The following TG variants were observed in gnomAD, a reference collection of about 807,000 sequenced individuals.
TG encodes thyroid hormones.
Under a neutral mutation model 324.7 loss-of-function variants are expected in TG, and 270 were observed. The observed-to-expected ratio is 0.83, with a 90% CI of 0.75 to 0.92. The LOEUF is 0.92. TG is among the 40% of genes least tolerant of loss of function. TG has a pLI of 0.00. For synonymous variants in TG, 1,401 were observed against 1,327.0 expected (o/e 1.06, Z -1.21); for missense variants, 3,591 against 3,456.4 (o/e 1.04, Z -0.98).
In TG at chr8:132,898,183, G is replaced by A. The variant is rs1289754001; in HGVS notation, c.3154G>A (p.Val1052Ile). 1.9e-6 allele frequency: 3 copies of A among 1,604,076 alleles called. No homozygotes were observed. The highest frequency in any genetic ancestry group is 2.6e-6 in the Non-Finnish European group (3 of 1,175,224). ...CHAGTGHCWC[V>I]DEKGGFIPGS... ...CTCTTTTCCAGGGCACTGCTGGTGT[G>A]TAGATGAGAAAGGAGGGTTCATCCC... Residue 1052 changes from valine (V) to isoleucine (I), a missense_variant, in exon 13 of 48, where the codon GTA becomes ATA. Coordinates refer to ENST00000220616, the MANE Select transcript of TG (RefSeq NM_003235.5).
Position 132,887,192 on chromosome 8 carries a change from C to T in TG, c.1820C>T (p.Thr607Ile), listed in dbSNP as rs536053171. 2 of 1,613,344 alleles carry T rather than the reference C, an allele frequency of 1.2e-6. No individual in the cohort carries two copies. Among genetic ancestry groups the T allele is most frequent in the South Asian group, 2.2e-5 (2 of 91,052 alleles). The change falls in exon 9 of 48, where the codon ACC (threonine) becomes ATC (isoleucine). Residue 607 changes from threonine (T) to isoleucine (I), a missense_variant. Physicochemically the swap from Thr to Ile is moderately conservative, Grantham distance 89. Coordinates refer to ENST00000220616, the MANE Select transcript of TG (RefSeq NM_003235.5). ...ATGGAAACGGTACTCAGCTCCCAGA[C>T]CTGTGAGCAGACACCTGAAAGGCTA... ...DVMETVLSSQ[T>I]CEQTPERLFV...
intron 41 of TG, among the ~76,000 whole-genome samples, chr8:133,070,392 G>A (rs1238605204): frequency 1.3e-5 from 2 of 152,218 alleles, no homozygotes; most frequent in Non-Finnish European, 2.9e-5. Context: ...CAAAACAAAA[G>A]AGACTAATCT....
At chr8:133,074,740 C>G (rs1420302849) in intron 41 of TG, 1 of 513,054 alleles carries the variant, frequency 1.9e-6, no homozygotes, top group African/African-American at 2.1e-5. Flanking sequence ...ATTGCCCCAC[C>G]TGTTCTCAGG....
At chr8:133,089,424 C>T (rs1197935548) in intron 41 of TG, among the ~76,000 whole-genome samples, 1 of 152,164 alleles carries the variant, frequency 6.6e-6, no homozygotes, top group African/African-American at 2.4e-5. Flanking sequence ...ACAAAGGACC[C>T]AGTGACAGGA....
In TG at chr8:132,887,296, T is replaced by C; in HGVS notation, c.1924T>C (p.Trp642Arg). 1 of 1,604,906 alleles carries C rather than the reference T, an allele frequency of 6.2e-7. No homozygotes were observed. The highest frequency in any genetic ancestry group is 8.5e-7 in the Non-Finnish European group (1 of 1,173,830). ...FSGECWCVNS[W>R]GKELPGSRVR... ...CGGAGAGTGCTGGTGTGTGAATTCC[T>C]GGGGCAAAGAGCTTCCAGGCTCAAG... The change falls in exon 9 of 48, where the codon TGG becomes CGG. Residue 642 changes from tryptophan (W) to arginine (R), a missense_variant. Physicochemically the swap from Trp to Arg is moderately radical, Grantham distance 101. Coordinates refer to ENST00000220616, the MANE Select transcript of TG (RefSeq NM_003235.5).
At position 132,867,129 on chromosome 8, in the gene TG, G is replaced by T. The variant is rs1469943145; in HGVS notation, c.67+62G>T. On this transcript the variant is annotated intron_variant, in intron 1 of 47. Transcript: ENST00000220616. Reference sequence around the variant, plus strand: ...GGAGCTCCAGTGTCAGCCAGGCTCTGCCCTGGGCCTTCGAACAGGTGCGAT... The same window carrying T: ...GGAGCTCCAGTGTCAGCCAGGCTCTTCCCTGGGCCTTCGAACAGGTGCGAT... 6.3e-6 allele frequency: 9 copies of T among 1,437,958 alleles called. No individual in the cohort carries two copies. In the Admixed American group the frequency reaches 1.5e-4, roughly 24 times the overall value. The allele number at this position is 1,437,958 out of a possible 1,614,324, so 89.1% of individuals were successfully genotyped here.
intron 41 of TG, among the ~76,000 whole-genome samples, chr8:133,058,704 C>T (rs1026908780): frequency 6.6e-6 from 1 of 152,222 alleles, no homozygotes; most frequent in African/African-American, 2.4e-5. Flanking sequence ...GCAGCTCAGC[C>T]ACCCTGCACG....
chr8:133,095,967 T>C (rs1160042195), intron 42 of TG, among the ~76,000 whole-genome samples: 3 of 152,220 alleles, frequency 2.0e-5, no homozygotes, highest in Non-Finnish European at 1.5e-5. Context: ...CCTGGGGATC[T>C]GCTGTTACCT....
intron 40 of TG, among the ~76,000 whole-genome samples, chr8:133,029,389 A>G (rs1354296337): frequency 6.6e-6 from 1 of 152,174 alleles, no homozygotes; most frequent in Non-Finnish European, 1.5e-5. Context: ...ATTGTCAGGG[A>G]CAACCACCTG....
chr8:133,074,921 C>T (rs1347529738), intron 41 of TG: 9 of 985,440 alleles, frequency 9.1e-6, no homozygotes, highest in Non-Finnish European at 1.2e-6. Context: ...GAGTCACTGC[C>T]TCTCCGTCTG....
chr8:133,102,007 A>T lies in TG; in HGVS notation c.7572+5634A>T, dbSNP rs569564171. On this transcript the variant is annotated intron_variant, in intron 43 of 47. Coordinates refer to ENST00000220616, the MANE Select transcript of TG (RefSeq NM_003235.5). ...TCCCTATCTGTGAAGTTGGGAGATG[A>T]TTAGTAAATATCCTCATAAAGATGT... Among the ~76,000 whole-genome samples, 3 of 152,362 alleles carry T rather than the reference A, an allele frequency of 2.0e-5. No individual in the cohort carries two copies. In the South Asian group the frequency reaches 6.2e-4, roughly 32 times the overall value.
chr8:132,886,483 G>A lies in TG; in HGVS notation c.1111G>A (p.Ala371Thr). 1.9e-6 allele frequency: 3 copies of A among 1,614,134 alleles called. No individual in the cohort carries two copies. Among genetic ancestry groups the A allele is most frequent in the Admixed American group, 3.3e-5 (2 of 60,016 alleles). ...GQSCASERQQ[A>T]LSRLYFGTSG... ...ATCTTGTGCCTCCGAAAGGCAGCAGGCCTTGTCCAGACTCTACTTTGGGAC... is the reference window on the plus strand; with the variant it reads ...ATCTTGTGCCTCCGAAAGGCAGCAGACCTTGTCCAGACTCTACTTTGGGAC... The change falls in exon 9 of 48, where the codon GCC becomes ACC. Residue 371 changes from alanine to threonine, a missense_variant. Ala to Thr is a moderately conservative substitution (Grantham distance 58). Transcript: ENST00000220616.
Position 133,133,622 on chromosome 8 carries a change from T to C in TG, c.8150T>C (p.Phe2717Ser), listed in dbSNP as rs900697094. The change falls in exon 47 of 48, where the codon TTC becomes TCC. Residue 2717 changes from phenylalanine (F) to serine (S), a missense_variant. Coordinates refer to ENST00000220616, the MANE Select transcript of TG (RefSeq NM_003235.5). ...GGCCTGAAGAAAGCCGACTGCTCCT[T>C]CTGGTCCAAGTACATCTCGTCTCTG... is the stretch of plus-strand genomic sequence containing the variant. Reference protein sequence around the residue: ...RQGLKKADCSFWSKYISSLKT... With the variant: ...RQGLKKADCSSWSKYISSLKT... 6.8e-6 allele frequency: 11 copies of C among 1,614,196 alleles called. No individual in the cohort carries two copies. The highest frequency in any genetic ancestry group is 9.3e-6 in the Non-Finnish European group (11 of 1,180,026).
intron 27 of TG, among the ~76,000 whole-genome samples, chr8:132,952,923 A>G (rs1587548353): frequency 6.6e-6 from 1 of 151,434 alleles, no homozygotes; most frequent in Non-Finnish European, 1.5e-5. Flanking sequence ...CTCTCTACCC[A>G]CTCCTGGCTG....
intron 36 of TG, among the ~76,000 whole-genome samples, chr8:133,012,964 G>A (rs1390447578): frequency 1.3e-5 from 2 of 152,234 alleles, no homozygotes; most frequent in Admixed American, 6.5e-5. Context: ...TGGAACACTG[G>A]GTATGGTGCC....
In TG at chr8:132,869,818, C is replaced by A; in HGVS notation, c.266C>A (p.Pro89His). The change falls in exon 3 of 48, where the codon CCT becomes CAT. Residue 89 changes from proline (P) to histidine (H), a missense_variant. By Grantham distance (77) the Pro-to-His change is moderately conservative (BLOSUM62 -2). Coordinates refer to ENST00000220616, the MANE Select transcript of TG (RefSeq NM_003235.5). ...CTGGGCAGCAGGCAGCCAGGACGGC[C>A]TGTGGCTTGTAAGTGGGAGTGGGGG... The part of the protein sequence containing the change: ...EVLGSRQPGR[P>H]VACLSFCQLQ... 6.2e-7 allele frequency: 1 copy of A among 1,613,918 alleles called. No homozygotes were observed.
intron 41 of TG, among the ~76,000 whole-genome samples, chr8:133,065,227 T>A (rs1842887485): frequency 6.6e-6 from 1 of 152,196 alleles, no homozygotes; most frequent in Non-Finnish European, 1.5e-5. Context: ...GGCACAAAGC[T>A]AAGTACTGTC....
At chr8:132,875,434 A>G (rs1348297326) in intron 5 of TG, among the ~76,000 whole-genome samples, 3 of 152,262 alleles carry the variant, frequency 2.0e-5, no homozygotes, top group African/African-American at 2.4e-5. Context: ...ACTGAAACAC[A>G]GAGGTTAAGG....
At chr8:132,976,194 C>A (rs1830152083) in intron 34 of TG, among the ~76,000 whole-genome samples, 1 of 152,052 alleles carries the variant, frequency 6.6e-6, no homozygotes, top group African/African-American at 2.4e-5. Context: ...AACAGAATAC[C>A]ACAGACTAGG....
Sources: gnomAD v4.1 joint callset for allele counts (sites outside exome capture counted in the v4.1 genomes callset) on GRCh38, gnomAD v4.1.1 for gene constraint, MANE v1.5 for transcripts, NCBI Gene and HGNC (gene_info 2026-07-23, HGNC 2026-07-21) for gene names.